Variants in PFKFB3 observed in about 807,000 individuals in gnomAD.
PFKFB3 encodes the protein 6-phosphofructo-2-kinase/fructose-2,6-bisphosphatase 3.
In PFKFB3, 33 loss-of-function variants were observed where a neutral mutation model predicts 68.0. The observed-to-expected ratio is 0.49, with a 90% CI of 0.37 to 0.65. The LOEUF is 0.65. PFKFB3 is among the 30% of genes least tolerant of loss of function. The pLI is 0.00. For synonymous variants in PFKFB3, 315 were observed against 288.2 expected (o/e 1.09, Z -0.94); for missense variants, 586 against 712.2 (o/e 0.82, Z 2.02).
At position 6,254,330 on chromosome 10, in the gene PFKFB3, G is replaced by A. The variant is rs567472958; in HGVS notation, c.1668G>A (p.Ser556=). 8.0e-5 allele frequency: 32 copies of A among 398,532 alleles called. No homozygotes were observed. The South Asian group carries it at 3.6e-3, about 44-fold the overall frequency. 24.7% of individuals were successfully genotyped at this position (398,532 alleles called of 1,614,324 possible). A position where few individuals can be genotyped will look rare whatever the true frequency, so the allele number is the denominator to read the frequency against. Residue 556 remains serine, a synonymous_variant, in exon 15 of 15, where the codon TCG becomes TCA. Coordinates refer to the PFKFB3 transcript ENST00000640683. The stretch of plus-strand genomic sequence containing the variant: ...GCATCCCGGAGCCCAGACTGGTCTC[G>A]CTTCCTCACCTTTCTGGCTCTGCGG...
chr10:6,183,727 A>C (rs1022696256), intron 1 of PFKFB3, among the ~76,000 whole-genome samples: 1 of 149,298 alleles, frequency 6.7e-6, no homozygotes, highest in African/African-American at 2.5e-5. Flanking sequence ...TCGCTCTGTC[A>C]CCCAGGCTGG....
At chr10:6,297,162 AG>A in the PFKFB3 span, among the ~76,000 whole-genome samples, 1 of 152,238 alleles carries the variant, frequency 6.6e-6, no homozygotes, top group African/African-American at 2.4e-5. Flanking sequence ...TTTGTGTCCC[AG>A]TGGAGCATAA....
chr10:6,241,378 T>C (rs961637081), intron 14 of PFKFB3, among the ~76,000 whole-genome samples: 2 of 152,202 alleles, frequency 1.3e-5, no homozygotes, highest in African/African-American at 4.8e-5. Flanking sequence ...TGATCTTTGG[T>C]GAAGGTGGTG....
At chr10:6,279,448 T>G in the PFKFB3 span, among the ~76,000 whole-genome samples, 3 of 152,240 alleles carry the variant, frequency 2.0e-5, no homozygotes, top group African/African-American at 7.2e-5. Context: ...TGAGCAGATT[T>G]TATTTTTCCT....
At chr10:6,317,467 T>G in the PFKFB3 span, among the ~76,000 whole-genome samples, 5 of 152,168 alleles carry the variant, frequency 3.3e-5, no homozygotes, top group South Asian at 2.1e-4. Context: ...ATTTTCAGGT[T>G]TCTTCCTAGA....
At chr10:6,259,955 C>T in the PFKFB3 span, among the ~76,000 whole-genome samples, 1 of 152,260 alleles carries the variant, frequency 6.6e-6, no homozygotes, top group South Asian at 2.1e-4. Context: ...TACACCCTGG[C>T]TCATTTAATT....
downstream of PFKFB3, among the ~76,000 whole-genome samples, chr10:6,236,479 C>T (rs1448470319): frequency 6.6e-6 from 1 of 152,230 alleles, no homozygotes; most frequent in Non-Finnish European, 1.5e-5. Flanking sequence ...CTTGACTCCC[C>T]AGTGAGTCTT....
chr10:6,309,140 A>AATTGT, the PFKFB3 span, among the ~76,000 whole-genome samples: 1 of 151,524 alleles, frequency 6.6e-6, no homozygotes, highest in Non-Finnish European at 1.5e-5. Flanking sequence ...GATTCAAAAA[A>AATTGT]ATTGTAAAAA....
intron 14 of PFKFB3, among the ~76,000 whole-genome samples, chr10:6,232,231 G>C (rs909377860): frequency 2.1e-4 from 32 of 150,336 alleles, no homozygotes; most frequent in African/African-American, 7.3e-4. Context: ...CGCTGATTTT[G>C]GAGCATGTTT....
chr10:6,300,219 C>G, the PFKFB3 span, among the ~76,000 whole-genome samples: 1 of 151,912 alleles, frequency 6.6e-6, no homozygotes, highest in Non-Finnish European at 1.5e-5. Context: ...TTCTTTAAAG[C>G]CTCCCTGTGT....
At chr10:6,150,899 T>A (rs76076593) in intron 1 of PFKFB3, among the ~76,000 whole-genome samples, 1,845 of 152,036 alleles carry the variant, frequency 0.012, 92 homozygotes, top group Admixed American at 0.086. Context: ...TTCCGGAGGC[T>A]GAGGCAGGAG....
At chr10:6,259,568 A>ATCCATCCATCCATCCG (rs373034680), downstream of PFKFB3, among the ~76,000 whole-genome samples, 2 of 28,882 alleles carry the variant, frequency 6.9e-5, no homozygotes, top group African/African-American at 1.2e-4. Flanking sequence ...CCATCCATCC[A>ATCCATCCATCCATCCG]CTCATCCATC....
At chr10:6,204,434 C>T (rs577174747) in intron 1 of PFKFB3, among the ~76,000 whole-genome samples, 1 of 152,366 alleles carries the variant, frequency 6.6e-6, no homozygotes, top group East Asian at 1.9e-4. Flanking sequence ...TTTCTTAGGA[C>T]GGCCCCCGCG....
chr10:6,236,428 T>G (rs560267279), downstream of PFKFB3, among the ~76,000 whole-genome samples: 1 of 152,194 alleles, frequency 6.6e-6, no homozygotes, highest in Non-Finnish European at 1.5e-5. Context: ...TTGGTCTGAT[T>G]TTTTTTCCGG....
the PFKFB3 span, among the ~76,000 whole-genome samples, chr10:6,282,183 T>C: frequency 6.6e-6 from 1 of 152,110 alleles, no homozygotes; most frequent in Non-Finnish European, 1.5e-5. Flanking sequence ...TGTGCTGGTG[T>C]AAAATCTGTT....
chr10:6,249,134 A>C (rs565576409), intron 14 of PFKFB3, among the ~76,000 whole-genome samples: 1 of 146,426 alleles, frequency 6.8e-6, no homozygotes, highest in African/African-American at 2.6e-5. Flanking sequence ...AGATTGCGCC[A>C]TTGCACTCCA....
At chr10:6,186,814 G>A (rs645680) in intron 1 of PFKFB3, among the ~76,000 whole-genome samples, 68,475 of 151,866 alleles carry the variant, frequency 0.45, 16,554 homozygotes, top group Non-Finnish European at 0.56. Flanking sequence ...CGTTCTTTTT[G>A]TAATAAAAGG....
chr10:6,277,846 C>G, the PFKFB3 span: 2 of 266,880 alleles, frequency 7.5e-6, no homozygotes, highest in South Asian at 6.4e-5. Context: ...ACTAATACAG[C>G]ATGTAACCTG....
intron 1 of PFKFB3, among the ~76,000 whole-genome samples, chr10:6,212,510 G>T (rs1844296217): frequency 2.6e-5 from 4 of 152,188 alleles, no homozygotes; most frequent in Admixed American, 2.6e-4. Flanking sequence ...TCCCTCGGCA[G>T]GGCCCCAGCA....
Sources: allele counts gnomAD v4.1 joint callset (sites outside exome capture counted in the v4.1 genomes callset), GRCh38; gene constraint gnomAD v4.1.1; transcripts MANE v1.5; gene names NCBI Gene and HGNC (gene_info 2026-07-23, HGNC 2026-07-21).